The following WDR70 variants were observed in gnomAD, a reference collection of about 807,000 sequenced individuals.
WDR70 encodes WD repeat domain 70.
WDR70 carries 53 observed loss-of-function variants against 88.6 expected under a neutral mutation model. The observed-to-expected ratio is 0.60, with a 90% CI of 0.48 to 0.75. WDR70 has a LOEUF of 0.75. Ranked by LOEUF, WDR70 falls within the 30% of genes least tolerant of loss-of-function variation. The probability of loss-of-function intolerance (pLI) is 0.00; values close to 1 mark genes in which losing one functional copy is unlikely to be tolerated. For missense variants in WDR70, 610 were observed against 823.2 expected, an observed-to-expected ratio of 0.74 and a Z score of 3.17; for synonymous variants, 280 against 270.0, an observed-to-expected ratio of 1.04 and a Z score of -0.36.
intron 8 of WDR70, among the ~76,000 whole-genome samples, chr5:37,513,149 G>A (rs1053645364): frequency 3.9e-5 from 6 of 152,120 alleles, no homozygotes; most frequent in Non-Finnish European, 8.8e-5. Context: ...TGTTAACACT[G>A]TTCCAAAAGT....
At chr5:37,393,973 C>T (rs752653334) in intron 4 of WDR70, among the ~76,000 whole-genome samples, 4 of 152,052 alleles carry the variant, frequency 2.6e-5, no homozygotes. Flanking sequence ...TGAACCACTG[C>T]GCCTGGCCTG....
At chr5:37,506,098 T>C (rs1032447067) in intron 8 of WDR70, 1 of 1,213,552 alleles carries the variant, frequency 8.2e-7, no homozygotes, top group Non-Finnish European at 1.2e-6. Context: ...CAGTAAAGAT[T>C]TGCATGTGCA....
chr5:37,432,720 C>T (rs1254889468), intron 5 of WDR70, among the ~76,000 whole-genome samples: 2 of 151,248 alleles, frequency 1.3e-5, no homozygotes, highest in African/African-American at 4.9e-5. Flanking sequence ...CCCGGCCTTT[C>T]TGGCTAACTT....
chr5:37,446,229 C>G (rs1222500008), intron 7 of WDR70, among the ~76,000 whole-genome samples: 1 of 152,134 alleles, frequency 6.6e-6, no homozygotes, highest in Non-Finnish European at 1.5e-5. Context: ...ATGCAACTTA[C>G]AAGGGATGTG....
intron 17 of WDR70, among the ~76,000 whole-genome samples, chr5:37,751,727 C>T (rs1748820023): frequency 6.6e-6 from 1 of 152,172 alleles, no homozygotes; most frequent in African/African-American, 2.4e-5. Context: ...ATCAGAGTAG[C>T]ATGACCAAAA....
At chr5:37,401,462 C>T (rs1293893888) in intron 5 of WDR70, among the ~76,000 whole-genome samples, 3 of 151,744 alleles carry the variant, frequency 2.0e-5, no homozygotes, top group Non-Finnish European at 2.9e-5. Flanking sequence ...ATTACAGGCA[C>T]GCGCCACTGC....
At chr5:37,497,323 CTTCCCTTCCT>C (rs1445508383) in intron 8 of WDR70, among the ~76,000 whole-genome samples, 1 of 144,820 alleles carries the variant, frequency 6.9e-6, no homozygotes, top group Non-Finnish European at 1.5e-5. Context: ...CTTTCCTTCC[CTTCCCTTCCT>C]TTCCCTTCCC....
intron 10 of WDR70, among the ~76,000 whole-genome samples, chr5:37,660,438 A>C (rs1360157675): frequency 7.0e-6 from 1 of 142,378 alleles, no homozygotes; most frequent in Non-Finnish European, 1.5e-5. Context: ...GGATGTGTCT[A>C]TTTCTCCTTT....
intron 11 of WDR70, chr5:37,700,560 C>G (rs1747127104): frequency 6.6e-6 from 1 of 152,660 alleles, no homozygotes; most frequent in Non-Finnish European, 1.5e-5. Context: ...AATCACATGG[C>G]TCACCCTTAT....
chr5:37,524,513 C>T (rs1741198237), intron 9 of WDR70, among the ~76,000 whole-genome samples: 1 of 152,124 alleles, frequency 6.6e-6, no homozygotes, highest in Non-Finnish European at 1.5e-5. Context: ...CCGCTACCAG[C>T]CACTGCAAAA....
At chr5:37,399,265 G>C (rs1230915260) in intron 5 of WDR70, among the ~76,000 whole-genome samples, 1 of 152,050 alleles carries the variant, frequency 6.6e-6, no homozygotes, top group Non-Finnish European at 1.5e-5. Context: ...GTGACAGAGC[G>C]AGACTCTGTC....
intron 7 of WDR70, among the ~76,000 whole-genome samples, chr5:37,461,935 C>T (rs961383417): frequency 4.2e-4 from 64 of 152,148 alleles, no homozygotes; most frequent in Non-Finnish European, 6.8e-4. Flanking sequence ...GCTTTGAGAA[C>T]GAACCACCCA....
intron 5 of WDR70, among the ~76,000 whole-genome samples, chr5:37,414,621 A>G (rs77749700): frequency 2.6e-5 from 2 of 77,348 alleles, no homozygotes; most frequent in African/African-American, 1.2e-4. Flanking sequence ...TTTTTTTTTT[A>G]CTGCTGTATC....
At chr5:37,669,865 A>C (rs962097063) in intron 10 of WDR70, among the ~76,000 whole-genome samples, 4 of 152,256 alleles carry the variant, frequency 2.6e-5, no homozygotes, top group African/African-American at 9.6e-5. Flanking sequence ...GCTGATACAT[A>C]CTGCAACATG....
At chr5:37,700,700 C>T (rs777246601) in intron 11 of WDR70, among the ~76,000 whole-genome samples, 26 of 152,136 alleles carry the variant, frequency 1.7e-4, no homozygotes, top group Non-Finnish European at 2.6e-4. Flanking sequence ...AAATACACCA[C>T]GGGGGAACTA....
intron 9 of WDR70, among the ~76,000 whole-genome samples, chr5:37,581,547 A>G (rs1403231253): frequency 6.6e-6 from 1 of 152,156 alleles, no homozygotes; most frequent in Non-Finnish European, 1.5e-5. Context: ...CACAAGTCCA[A>G]GCAGAACCTA....
intron 10 of WDR70, among the ~76,000 whole-genome samples, chr5:37,680,954 G>GT (rs1178910736): frequency 1.3e-4 from 20 of 152,094 alleles, no homozygotes; most frequent in Non-Finnish European, 2.5e-4. Context: ...TTTTAAAATA[G>GT]TTTTTTCTAC....
At chr5:37,738,832 C>G (rs1748382057) in intron 17 of WDR70, among the ~76,000 whole-genome samples, 1 of 152,164 alleles carries the variant, frequency 6.6e-6, no homozygotes, top group African/African-American at 2.4e-5. Context: ...TATCAGCTAT[C>G]CAGAATTTAT....
intron 7 of WDR70, among the ~76,000 whole-genome samples, chr5:37,457,497 G>C (rs1430275690): frequency 2.0e-5 from 3 of 152,156 alleles, no homozygotes; most frequent in East Asian, 1.9e-4. Flanking sequence ...CTGTCTTATA[G>C]AGGGCAATTT....
Sources: gnomAD v4.1 joint callset for allele counts (sites outside exome capture counted in the v4.1 genomes callset) on GRCh38, gnomAD v4.1.1 for gene constraint, MANE v1.5 for transcripts, NCBI Gene and HGNC (gene_info 2026-07-23, HGNC 2026-07-21) for gene names.